The following MAP7 variants were observed in gnomAD, a reference collection of about 807,000 sequenced individuals.
The protein encoded by MAP7 is microtubule associated protein 7, also known as ensconsin.
Under a neutral mutation model 94.8 loss-of-function variants are expected in MAP7, and 52 were observed. The observed-to-expected ratio is 0.55, with a 90% confidence interval of 0.44 to 0.69. MAP7 has a LOEUF of 0.69. Among genes scored for constraint, MAP7 ranks in the 30% least tolerant of loss-of-function variants. The probability of loss-of-function intolerance (pLI) is 0.00; values close to 1 mark genes in which losing one functional copy is unlikely to be tolerated. For missense variants in MAP7, 940 were observed against 964.6 expected (o/e 0.97, Z 0.34); for synonymous variants, 350 against 357.0 (o/e 0.98, Z 0.22).
At chr6:136,502,535 C>G (rs574532985) in intron 1 of MAP7, among the ~76,000 whole-genome samples, 1 of 152,302 alleles carries the variant, frequency 6.6e-6, no homozygotes, top group East Asian at 1.9e-4. Context: ...GAGTGGCACA[C>G]AGAGCACCGG....
At chr6:136,510,591 C>T (rs1348329709) in intron 1 of MAP7, among the ~76,000 whole-genome samples, 1 of 152,066 alleles carries the variant, frequency 6.6e-6, no homozygotes, top group Non-Finnish European at 1.5e-5. Flanking sequence ...CACGGCAGTC[C>T]ACCCTCATCG....
Position 136,547,575 on chromosome 6 carries a change from A to T in MAP7, c.67+2767T>A, listed in dbSNP as rs1176588558. ...ATGTCTTAAACTTGTTTCCAAGGCA[A>T]TTTTTTTTTTCCCAGCTCTTAACTT... is the stretch of plus-strand genomic sequence containing the variant. On this transcript the variant is annotated intron_variant, in intron 1 of 17. Coordinates refer to ENST00000354570, the MANE Select transcript of MAP7 (RefSeq NM_003980.6). Among the ~76,000 whole-genome samples, 6 of 150,386 alleles carry T rather than the reference A, an allele frequency of 4.0e-5. No homozygotes were observed. The East Asian group carries it at 5.8e-4, about 15-fold the overall frequency.
intron 1 of MAP7, among the ~76,000 whole-genome samples, chr6:136,474,856 C>T (rs1036291640): frequency 1.3e-5 from 2 of 151,950 alleles, no homozygotes; most frequent in Admixed American, 1.3e-4. Context: ...GCCGGGACCA[C>T]GGGTGCACAC....
chr6:136,387,505 A>G (rs1020907873), intron 5 of MAP7, among the ~76,000 whole-genome samples: 3 of 152,206 alleles, frequency 2.0e-5, no homozygotes, highest in African/African-American at 7.2e-5. Context: ...GCGCTAGGGT[A>G]TTAGGCATGC....
chr6:136,434,354 G>C lies in MAP7; in HGVS notation c.68-12555C>G, dbSNP rs369916312. 7.9e-5 allele frequency among the ~76,000 whole-genome samples: 12 copies of C among 151,614 alleles called. No individual in the cohort carries two copies. The East Asian group carries it at 1.2e-3, about 15-fold the overall frequency. On this transcript the variant is annotated intron_variant, in intron 1 of 17. Coordinates refer to ENST00000354570, the MANE Select transcript of MAP7 (RefSeq NM_003980.6). ...CTCAAACTTCTAGTGACTTTCACAG[G>C]TAATTTGTGATCTGAAAATATAATT... is the stretch of plus-strand genomic sequence containing the variant.
chr6:136,498,548 T>C (rs1818958615), intron 1 of MAP7, among the ~76,000 whole-genome samples: 1 of 152,080 alleles, frequency 6.6e-6, no homozygotes. Flanking sequence ...CATGCACCTG[T>C]GTCTAAGGGA....
intron 1 of MAP7, among the ~76,000 whole-genome samples, chr6:136,524,120 T>A (rs1469593388): frequency 1.3e-5 from 2 of 152,058 alleles, no homozygotes; most frequent in Admixed American, 1.3e-4. Context: ...GGCAGGTGCC[T>A]GTAATCCCAG....
chr6:136,432,824 A>G (rs1795337728), intron 1 of MAP7, among the ~76,000 whole-genome samples: 1 of 152,218 alleles, frequency 6.6e-6, no homozygotes, highest in African/African-American at 2.4e-5. Context: ...CTACAGAAAG[A>G]ATATGAAAAT....
intron 8 of MAP7, 117 bp downstream of exon 8, chr6:136,372,384 G>A (rs756421480): frequency 1.4e-4 from 162 of 1,166,960 alleles, no homozygotes; most frequent in Admixed American, 2.0e-4. Flanking sequence ...AAGATGGGAT[G>A]GTGGATGTCA....
Position 136,480,599 on chromosome 6 carries a change from G to A in MAP7, c.68-58800C>T, listed in dbSNP as rs191335409. On this transcript the variant is annotated intron_variant, in intron 1 of 17. Coordinates refer to ENST00000354570, the MANE Select transcript of MAP7 (RefSeq NM_003980.6). ...AGAGCTTGCAGTGAGTCAAGATTGC[G>A]CCACTGCACTCCAGCCTGGGTGACA... is the stretch of plus-strand genomic sequence containing the variant. 1.4e-4 allele frequency among the ~76,000 whole-genome samples: 17 copies of A among 125,154 alleles called. No individual in the cohort carries two copies. The East Asian group carries it at 2.9e-3, about 21-fold the overall frequency. 82.1% of individuals were successfully genotyped at this position (125,154 alleles called of 152,430 possible).
rs181047584 is a variant in MAP7 at position 136,365,728 on chromosome 6, C to T, written c.1273+7G>A. ...AGCACCCAGACCACAGGTGAGTTTG[C>T]TCTTACCAGGGCCAACTTCTGGTTC... is the stretch of plus-strand genomic sequence containing the variant. On this transcript the variant is annotated splice_region_variant and intron_variant, in intron 10 of 17. Coordinates refer to ENST00000354570, the MANE Select transcript of MAP7 (RefSeq NM_003980.6). 148 of 1,612,740 alleles carry T rather than the reference C, an allele frequency of 9.2e-5. No homozygotes were observed. The highest frequency in any genetic ancestry group is 1.5e-4 in the Admixed American group (9 of 59,846).
rs547863224 is a variant in MAP7, at chr6:136,488,157, G to A, written c.67+62185C>T. On this transcript the variant is annotated intron_variant, in intron 1 of 17. Coordinates refer to ENST00000354570, the MANE Select transcript of MAP7 (RefSeq NM_003980.6). The stretch of plus-strand genomic sequence containing the variant: ...TTCTTGTACAAGCTTTTCCAGTTTT[G>A]GGAAAAACCATATGCTAAGTGTTAA... Among the ~76,000 whole-genome samples the A allele has an allele frequency of 2.6e-5, 4 of 152,010 alleles. No individual in the cohort carries two copies. The South Asian group carries it at 8.3e-4, about 32-fold the overall frequency.
chr6:136,470,573 T>C (rs1475222329), intron 1 of MAP7, among the ~76,000 whole-genome samples: 1 of 152,166 alleles, frequency 6.6e-6, no homozygotes, highest in African/African-American at 2.4e-5. Context: ...CTCCAGAATT[T>C]AGTCATCCTG....
chr6:136,385,418 G>A (rs1367142321), intron 5 of MAP7, among the ~76,000 whole-genome samples: 4 of 152,282 alleles, frequency 2.6e-5, no homozygotes, highest in East Asian at 1.9e-4. Context: ...AGAGGAATAC[G>A]AAAGTCATTT....
rs1384398822 is a variant in MAP7, at chr6:136,525,738, T to C, written c.67+24604A>G. On this transcript the variant is annotated intron_variant, in intron 1 of 17. Transcript: ENST00000354570. ...GAGGTCACAAGCACTCCCTGGAGCA[T>C]GCACGAGCAGCACAGTTTATAAAAC... 2.9e-5 allele frequency: 39 copies of C among 1,364,810 alleles called. No individual in the cohort carries two copies. The East Asian group carries it at 9.3e-4, about 33-fold the overall frequency. 84.5% of individuals were successfully genotyped at this position (1,364,810 alleles called of 1,614,324 possible). A position where few individuals can be genotyped will look rare whatever the true frequency, so the allele number is the denominator to read the frequency against.
chr6:136,536,977 T>C (rs2129058287), intron 1 of MAP7, among the ~76,000 whole-genome samples: 1 of 152,324 alleles, frequency 6.6e-6, no homozygotes, highest in East Asian at 1.9e-4. Context: ...CCTTCTGGCA[T>C]TTCATATACA....
intron 16 of MAP7, among the ~76,000 whole-genome samples, chr6:136,351,455 G>T (rs191528077): frequency 9.6e-4 from 146 of 152,266 alleles, no homozygotes; most frequent in Non-Finnish European, 1.8e-3. Context: ...CTCCTTCACA[G>T]ATAGCATTTC....
intron 16 of MAP7, among the ~76,000 whole-genome samples, chr6:136,354,581 C>G (rs185583707): frequency 4.3e-4 from 65 of 151,298 alleles, no homozygotes; most frequent in African/African-American, 1.5e-3. Flanking sequence ...ATGTCTGATG[C>G]TCATCTGGAC....
At chr6:136,467,348 G>T (rs2128928842) in intron 1 of MAP7, among the ~76,000 whole-genome samples, 1 of 152,270 alleles carries the variant, frequency 6.6e-6, no homozygotes, top group Non-Finnish European at 1.5e-5. Flanking sequence ...TTTAAAATCA[G>T]TCAGGCAGAG....
Sources: allele counts gnomAD v4.1 joint callset (sites outside exome capture counted in the v4.1 genomes callset), GRCh38; gene constraint gnomAD v4.1.1; transcripts MANE v1.5; gene names NCBI Gene and HGNC (gene_info 2026-07-23, HGNC 2026-07-21).